Variants in ACSM6 observed in about 807,000 individuals in gnomAD.
ACSM6 encodes acyl-coenzyme A synthetase ACSM6, mitochondrial.
A neutral mutation model predicts 51.1 loss-of-function variants in ACSM6; 35 were observed. The observed-to-expected ratio is 0.69, with a 90% CI of 0.52 to 0.91. The LOEUF is 0.91. Among genes scored for constraint, ACSM6 ranks in the 40% least tolerant of loss-of-function variants. The pLI is 0.00. For synonymous variants in ACSM6, 172 were observed against 207.3 expected (o/e 0.83, Z 1.46); for missense variants, 509 against 584.1 (o/e 0.87, Z 1.32).
At chr10:95,228,461 G>T in intron 10 of ACSM6, 183 bp from the exon 11 acceptor site, 7 of 534,934 alleles carry the variant, frequency 1.3e-5, no homozygotes, top group East Asian at 3.3e-5. Context: ...CTGAAGTTAA[G>T]AGAAATGACC....
At chr10:95,216,781 G>A (rs571585968) in intron 8 of ACSM6, among the ~76,000 whole-genome samples, 1 of 152,262 alleles carries the variant, frequency 6.6e-6, no homozygotes, top group East Asian at 1.9e-4. Context: ...AACTGATGAA[G>A]AGAACATCCA....
intron 3 of ACSM6, 134 bp downstream of exon 3, chr10:95,202,329 A>G: frequency 1.2e-6 from 1 of 815,508 alleles, no homozygotes; most frequent in Non-Finnish European, 2.0e-6. Context: ...GGATCTTTAA[A>G]CAGGCCTAGA....
At chr10:95,200,230 A>G (rs1283601907) in intron 2 of ACSM6, among the ~76,000 whole-genome samples, 2 of 151,720 alleles carry the variant, frequency 1.3e-5, no homozygotes, top group Non-Finnish European at 2.9e-5. Context: ...CATCATTCTC[A>G]GCAAACTATC....
chr10:95,228,184 G>A (rs35890745), intron 10 of ACSM6: 3,992 of 131,876 alleles, frequency 0.03, 55 homozygotes, highest in African/African-American at 0.054. Context: ...TCTGGTGTAA[G>A]AACCTTTAGC....
intron 8 of ACSM6, among the ~76,000 whole-genome samples, chr10:95,217,735 G>T (rs2034960965): frequency 6.6e-6 from 1 of 152,178 alleles, no homozygotes; most frequent in Non-Finnish European, 1.5e-5. Context: ...GATAGCCTAG[G>T]CTCTGGGGAG....
At chr10:95,219,666 T>C (rs1246923542) in intron 8 of ACSM6, among the ~76,000 whole-genome samples, 1 of 152,200 alleles carries the variant, frequency 6.6e-6, no homozygotes, top group Non-Finnish European at 1.5e-5. Flanking sequence ...TTTTGCTAAT[T>C]GCAGTATGGT....
chr10:95,199,926 T>C (rs2034775039), intron 2 of ACSM6, among the ~76,000 whole-genome samples: 1 of 152,212 alleles, frequency 6.6e-6, no homozygotes, highest in South Asian at 2.1e-4. Context: ...AGTTCAGCCA[T>C]TGTGGAAGTC....
chr10:95,202,533 T>G (rs1173130586), intron 3 of ACSM6, among the ~76,000 whole-genome samples: 1 of 152,170 alleles, frequency 6.6e-6, no homozygotes, highest in African/African-American at 2.4e-5. Flanking sequence ...CTCAAGGAAC[T>G]GTAGACCTCT....
rs767486168 is a variant in ACSM6 at position 95,211,889 on chromosome 10, A to T, written c.767A>T (p.Asp256Val). The T allele has an allele frequency of 1.2e-6, 2 of 1,606,336 alleles. No homozygotes were observed. The highest frequency in any genetic ancestry group is 2.7e-5 in the African/African-American group (2 of 74,572). ...CTCTTTCTCTTTAGACGGTGGATGG[A>T]TCTCCAGCCAACAGATGTCTTGTGG... Residue 256 changes from aspartate to valine, a missense_variant, in exon 6 of 11, where the codon GAT (aspartate) becomes GTT (valine). Physicochemically the swap from Asp to Val is radical, Grantham distance 152. Coordinates refer to ENST00000341686, the Ensembl canonical transcript of ACSM6.
chr10:95,210,589 T>C, intron 4 of ACSM6, 61 bp from the exon 5 acceptor site: 6 of 1,539,212 alleles, frequency 3.9e-6, no homozygotes, highest in Non-Finnish European at 5.3e-6. Flanking sequence ...ACCCAGGGCC[T>C]AGGCACTTAA....
intron 3 of ACSM6, among the ~76,000 whole-genome samples, chr10:95,205,616 A>C (rs943470254): frequency 6.6e-6 from 1 of 152,202 alleles, no homozygotes; most frequent in Admixed American, 6.5e-5. Context: ...TGGCAAAGAC[A>C]AATGCCAAAA....
At chr10:95,210,610 TA>T in intron 4 of ACSM6, 39 bp from the exon 5 acceptor site, 1 of 1,591,378 alleles carries the variant, frequency 6.3e-7, no homozygotes, top group Non-Finnish European at 8.5e-7. Context: ...TCAGAGAACC[TA>T]AATTTAGATC....
chr10:95,215,062 C>A, intron 8 of ACSM6, 87 bp downstream of exon 8: 1 of 1,440,180 alleles, frequency 6.9e-7, no homozygotes, highest in South Asian at 1.4e-5. Context: ...TAAGCACGCA[C>A]TAGAAATGCA....
In ACSM6 at chr10:95,201,970, C is replaced by T. The variant is rs1231959699; in HGVS notation, c.193-15C>T. ...TGCTGACTAATATTCATATTTTAAA[C>T]ATCACCCTGCCTAGGACGGACTCAG... is the stretch of plus-strand genomic sequence containing the variant. On this transcript the variant is annotated splice_polypyrimidine_tract_variant and intron_variant, in intron 2 of 10. Transcript: ENST00000341686. The T allele has an allele frequency of 2.6e-6, 4 of 1,549,308 alleles. No homozygotes were observed. The highest frequency in any genetic ancestry group is 1.4e-5 in the African/African-American group (1 of 73,080).
intron 3 of ACSM6, 146 bp from the exon 4 acceptor site, chr10:95,207,062 G>A (rs143314321): frequency 9.8e-4 from 675 of 692,302 alleles, no homozygotes; most frequent in Middle Eastern, 2.1e-3. Flanking sequence ...TTCCCCAGTC[G>A]CCATCGTGTT....
chr10:95,213,381 T>G (rs1400583048), intron 7 of ACSM6, among the ~76,000 whole-genome samples: 1 of 152,192 alleles, frequency 6.6e-6, no homozygotes, highest in Non-Finnish European at 1.5e-5. Context: ...TGAATTCTTC[T>G]AGGCCTTTTT....
chr10:95,223,392 A>G (rs1378717604), intron 9 of ACSM6, among the ~76,000 whole-genome samples: 1 of 152,074 alleles, frequency 6.6e-6, no homozygotes, highest in East Asian at 1.9e-4. Flanking sequence ...AGAAAAGAAA[A>G]CCATAAATTA....
Position 95,210,805 on chromosome 10 carries a change from G to A in ACSM6, c.755+12G>A, listed in dbSNP as rs759192530. ...AGCCAGGCTTCCAGGTACGGTTCTCGCACAGCCTGTACAGGCCTGAAAGTT... is the reference window on the plus strand; with the variant it reads ...AGCCAGGCTTCCAGGTACGGTTCTCACACAGCCTGTACAGGCCTGAAAGTT... On this transcript the variant is annotated intron_variant, in intron 5 of 10. Coordinates refer to ENST00000341686, the Ensembl canonical transcript of ACSM6. 16 of 1,612,160 alleles carry A rather than the reference G, an allele frequency of 9.9e-6. No individual in the cohort carries two copies. The highest frequency in any genetic ancestry group is 2.2e-5 in the East Asian group (1 of 44,842).
At chr10:95,199,670 C>G (rs1304302808) in intron 2 of ACSM6, among the ~76,000 whole-genome samples, 2 of 152,058 alleles carry the variant, frequency 1.3e-5, no homozygotes, top group Non-Finnish European at 2.9e-5. Flanking sequence ...AAACAAACAA[C>G]CCCATCAAAA....
Sources: gnomAD v4.1 joint callset for allele counts (sites outside exome capture counted in the v4.1 genomes callset) on GRCh38, gnomAD v4.1.1 for gene constraint, MANE v1.5 for transcripts, NCBI Gene and HGNC (gene_info 2026-07-23, HGNC 2026-07-21) for gene names.